Variants in CLHC1 observed in about 807,000 individuals in gnomAD.
CLHC1 encodes the protein clathrin heavy chain linker domain-containing protein 1.
CLHC1 carries 72 observed loss-of-function variants against 69.5 expected under a neutral mutation model. The observed-to-expected ratio is 1.04, with a 90% confidence interval of 0.86 to 1.26. The LOEUF (loss-of-function observed/expected upper bound fraction) is 1.26. Ranked by LOEUF, CLHC1 falls within the 50% of genes most tolerant of loss-of-function variation. The pLI is 0.00. For synonymous variants in CLHC1, 223 were observed against 224.3 expected (o/e 0.99, Z 0.05); for missense variants, 790 against 679.3 (o/e 1.16, Z -1.81).
rs567964425 is a variant in CLHC1, at chr2:55,173,768, T to C, written c.*2022A>G. Among the ~76,000 whole-genome samples the C allele has an allele frequency of 1.3e-5, 2 of 152,324 alleles. No homozygotes were observed. Among genetic ancestry groups the C allele is most frequent in the Admixed American group, 1.3e-4 (2 of 15,298 alleles). ...TTTTCCATCACCAGGCATTTTAATT[T>C]ATATTCACTTGACAACTTTTACTTT... On this transcript the variant is annotated 3_prime_UTR_variant, in exon 13 of 13. Coordinates refer to ENST00000401408, the MANE Select transcript of CLHC1 (RefSeq NM_152385.4).
chr2:55,201,968 A>G (rs1671984421), intron 9 of CLHC1, among the ~76,000 whole-genome samples: 1 of 152,186 alleles, frequency 6.6e-6, no homozygotes, highest in Non-Finnish European at 1.5e-5. Context: ...AACATTCTTC[A>G]TGATAAAAAC....
chr2:55,200,241 A>AAAC (rs1553349850), intron 9 of CLHC1, among the ~76,000 whole-genome samples: 1 of 140,362 alleles, frequency 7.1e-6, no homozygotes, highest in African/African-American at 2.7e-5. Context: ...AAAAAAAAAA[A>AAAC]AAAACAGTGG....
At chr2:55,200,302 C>T (rs923823212) in intron 9 of CLHC1, among the ~76,000 whole-genome samples, 2 of 139,574 alleles carry the variant, frequency 1.4e-5, no homozygotes, top group South Asian at 2.3e-4. Flanking sequence ...ACAAGAAACA[C>T]TTCATCTTTA....
intron 9 of CLHC1, among the ~76,000 whole-genome samples, chr2:55,200,777 A>C (rs1395902489): frequency 1.3e-5 from 2 of 152,230 alleles, no homozygotes; most frequent in Non-Finnish European, 2.9e-5. Context: ...ACCATATGTT[A>C]GGCCACAAAG....
At chr2:55,180,278 T>C (rs548124341) in intron 11 of CLHC1, among the ~76,000 whole-genome samples, 60 of 152,334 alleles carry the variant, frequency 3.9e-4, no homozygotes, top group Middle Eastern at 6.8e-3. Flanking sequence ...ATCTGGCTTA[T>C]TAAATGTTTG....
chr2:55,190,388 G>A (rs931402932), intron 9 of CLHC1, among the ~76,000 whole-genome samples: 6 of 151,856 alleles, frequency 4.0e-5, no homozygotes, highest in Admixed American at 3.3e-4. Context: ...AATTTAACTT[G>A]CAAAAAAGCA....
chr2:55,225,934 T>G (rs890962209), intron 2 of CLHC1: 2 of 152,312 alleles, frequency 1.3e-5, no homozygotes, highest in African/African-American at 4.8e-5. Flanking sequence ...AGCTCACGCC[T>G]GTAGTCCCAG....
At position 55,180,600 on chromosome 2, in the gene CLHC1, G is replaced by A. The variant is rs1374929230; in HGVS notation, c.1294C>T (p.Leu432=). 1.2e-6 allele frequency: 2 copies of A among 1,613,964 alleles called. No homozygotes were observed. Among genetic ancestry groups the A allele is most frequent in the East Asian group, 4.5e-5 (2 of 44,868 alleles). ...LAQIVYSECG[L]HKKAILCLCK... ...AAGCAAAGAATAGCTTTCTTGTGCA[G>A]GCCACATTCACTGTAGACAATCTGA... is the stretch of plus-strand genomic sequence containing the variant. The change falls in exon 11 of 13, where the codon CTG becomes TTG. Residue 432 remains leucine (L), a synonymous_variant. Coordinates refer to ENST00000401408, the MANE Select transcript of CLHC1 (RefSeq NM_152385.4).
At chr2:55,229,159 AAAAAAAAAAAG>A (rs1269351959) in intron 1 of CLHC1, among the ~76,000 whole-genome samples, 1 of 149,772 alleles carries the variant, frequency 6.7e-6, no homozygotes, top group African/African-American at 2.4e-5. Context: ...TCAAAAAAAA[AAAAAAAAAAAG>A]AAAGAAAAAA....
At chr2:55,190,332 C>G (rs1670802473) in intron 9 of CLHC1, among the ~76,000 whole-genome samples, 1 of 152,116 alleles carries the variant, frequency 6.6e-6, no homozygotes. Flanking sequence ...CAGGCATGAG[C>G]CACCATGCCC....
intron 9 of CLHC1, among the ~76,000 whole-genome samples, chr2:55,185,361 T>C (rs1670325739): frequency 6.6e-6 from 1 of 152,168 alleles, no homozygotes; most frequent in Non-Finnish European, 1.5e-5. Context: ...CCCAGTCAGA[T>C]GATACCCCCT....
At chr2:55,194,791 G>A (rs1230744135) in intron 9 of CLHC1, among the ~76,000 whole-genome samples, 1 of 152,064 alleles carries the variant, frequency 6.6e-6, no homozygotes, top group Non-Finnish European at 1.5e-5. Context: ...TCTACAACAC[G>A]ATGTTTGATA....
At chr2:55,206,210 T>A in intron 9 of CLHC1, 60 bp downstream of exon 9, 1 of 980,346 alleles carries the variant, frequency 1.0e-6, no homozygotes, top group Non-Finnish European at 1.6e-6. Context: ...TTTTTCTATT[T>A]TATGAGAGAA....
chr2:55,189,338 T>G (rs187735727), intron 9 of CLHC1, among the ~76,000 whole-genome samples: 2 of 152,328 alleles, frequency 1.3e-5, no homozygotes, highest in South Asian at 2.1e-4. Flanking sequence ...TCAATAATTT[T>G]GTTAAATAGT....
chr2:55,204,883 A>G (rs764441269), intron 9 of CLHC1, among the ~76,000 whole-genome samples: 1 of 152,144 alleles, frequency 6.6e-6, no homozygotes, highest in Non-Finnish European at 1.5e-5. Context: ...AAAAATAAAA[A>G]CAATTGAACT....
At position 55,175,750 on chromosome 2, in the gene CLHC1, A is replaced by G; in HGVS notation, c.*40T>C. On this transcript the variant is annotated 3_prime_UTR_variant, in exon 13 of 13. Coordinates refer to ENST00000401408, the MANE Select transcript of CLHC1 (RefSeq NM_152385.4). ...CAGTTTTTCCCAACCAGCATACATA[A>G]GGTGTTGTACAAGCTCCCTCAGCTG... is the stretch of plus-strand genomic sequence containing the variant. 2 of 1,438,162 alleles carry G rather than the reference A, an allele frequency of 1.4e-6. No individual in the cohort carries two copies. Among genetic ancestry groups the G allele is most frequent in the Non-Finnish European group, 1.9e-6 (2 of 1,032,922 alleles). 89.1% of individuals were successfully genotyped at this position (1,438,162 alleles called of 1,614,324 possible). A position where few individuals can be genotyped will look rare whatever the true frequency, so the allele number is the denominator to read the frequency against.
chr2:55,202,645 C>T (rs1250604696), intron 9 of CLHC1, among the ~76,000 whole-genome samples: 3 of 151,686 alleles, frequency 2.0e-5, no homozygotes, highest in Non-Finnish European at 2.9e-5. Context: ...ACCTGTAATC[C>T]CAACACTTTG....
At chr2:55,198,927 A>T (rs939919612) in intron 9 of CLHC1, among the ~76,000 whole-genome samples, 1 of 152,184 alleles carries the variant, frequency 6.6e-6, no homozygotes, top group African/African-American at 2.4e-5. Context: ...ATATCCTTCA[A>T]ACACGAAGGA....
At chr2:55,200,261 T>TTA (rs543251933) in intron 9 of CLHC1, among the ~76,000 whole-genome samples, 4 of 103,890 alleles carry the variant, frequency 3.9e-5, no homozygotes, top group Admixed American at 1.1e-4. Flanking sequence ...GCTGAGTAGA[T>TTA]AAAAAAAAAA....
Sources: allele counts gnomAD v4.1 joint callset (sites outside exome capture counted in the v4.1 genomes callset), GRCh38; gene constraint gnomAD v4.1.1; transcripts MANE v1.5; gene names NCBI Gene and HGNC (gene_info 2026-07-23, HGNC 2026-07-21).